Variants in CYB5R3 observed in about 807,000 individuals in gnomAD.
The protein encoded by CYB5R3 is cytochrome b5 reductase 3, also known as NADH-cytochrome b5 reductase 3.
A neutral mutation model predicts 36.5 loss-of-function variants in CYB5R3; 28 were observed. The ratio of observed to expected loss-of-function variants is 0.77; its 90% CI spans 0.57 to 1.05. CYB5R3 has a LOEUF of 1.05. CYB5R3 is among the 50% of genes least tolerant of loss of function. The pLI, the probability that CYB5R3 is intolerant of heterozygous loss-of-function variation, is 0.00. For synonymous variants in CYB5R3, 181 were observed against 159.8 expected (o/e 1.13, Z -1.00); for missense variants, 474 against 408.9 (o/e 1.16, Z -1.37).
chr22:42,624,336 G>A (rs535736263), intron 7 of CYB5R3, among the ~76,000 whole-genome samples: 77 of 152,256 alleles, frequency 5.1e-4, no homozygotes, highest in African/African-American at 1.8e-3. Flanking sequence ...TCAGCCCTCC[G>A]GCAAGTCTTT....
At chr22:42,647,022 C>A in intron 1 of CYB5R3, 1 of 975,640 alleles carries the variant, frequency 1.0e-6, no homozygotes, top group Non-Finnish European at 1.2e-6. Context: ...TGGCCTGGAT[C>A]CCACAAAGTG....
chr22:42,636,606 A>G (rs1928904456), intron 2 of CYB5R3, 109 bp downstream of exon 2: 2 of 1,513,006 alleles, frequency 1.3e-6, no homozygotes, highest in African/African-American at 1.4e-5. Flanking sequence ...CATCTGTAAA[A>G]TGGGTGGACA....
intron 2 of CYB5R3, among the ~76,000 whole-genome samples, chr22:42,633,963 TA>T (rs1308923497): frequency 1.3e-5 from 2 of 151,874 alleles, no homozygotes; most frequent in Non-Finnish European, 2.9e-5. Flanking sequence ...CCAATAACAA[TA>T]ACAAGGGAAA....
intron 1 of CYB5R3, among the ~76,000 whole-genome samples, chr22:42,641,410 G>A (rs138693733): frequency 3.6e-4 from 54 of 150,772 alleles, no homozygotes; most frequent in African/African-American, 1.2e-3. Context: ...GGGCTCCAGC[G>A]ATTCTCCTGC....
intron 1 of CYB5R3, among the ~76,000 whole-genome samples, chr22:42,648,415 C>A (rs1944317467): frequency 6.6e-6 from 1 of 152,214 alleles, no homozygotes. Flanking sequence ...ACTCAAGCCT[C>A]CAGCCTCACC....
At position 42,636,862 on chromosome 22, in the gene CYB5R3, C is replaced by T; in HGVS notation, c.22-16G>A. 1.2e-6 allele frequency: 2 copies of T among 1,612,400 alleles called. No homozygotes were observed. Among genetic ancestry groups the T allele is most frequent in the Middle Eastern group, 1.7e-4 (1 of 6,058 alleles). ...TATGGCCCAACTGAAACGACAGGAC[C>T]CGCGGGGTCAGTGCAGGAGCCTGCC... On this transcript the variant is annotated splice_polypyrimidine_tract_variant and intron_variant, in intron 1 of 8. Coordinates refer to ENST00000352397, the MANE Select transcript of CYB5R3 (RefSeq NM_000398.7).
At chr22:42,648,386 C>G (rs1929623669) in intron 1 of CYB5R3, among the ~76,000 whole-genome samples, 1 of 152,240 alleles carries the variant, frequency 6.6e-6, no homozygotes, top group Non-Finnish European at 1.5e-5. Context: ...GCAGCCGCAG[C>G]CTCCACATGT....
chr22:42,639,616 C>G (rs979039519), intron 1 of CYB5R3, among the ~76,000 whole-genome samples: 1 of 139,682 alleles, frequency 7.2e-6, no homozygotes, highest in Admixed American at 7.4e-5. Flanking sequence ...TGACAAGAGC[C>G]AAGACTCCAT....
chr22:42,627,180 C>A, intron 7 of CYB5R3, 124 bp downstream of exon 7: 2 of 845,264 alleles, frequency 2.4e-6, no homozygotes, highest in Admixed American at 4.0e-5. Flanking sequence ...ATTCAGGGCC[C>A]CCCATCCCGG....
At position 42,623,814 on chromosome 22, in the gene CYB5R3, C is replaced by G; in HGVS notation, c.708G>C (p.Trp236Cys). 1 of 1,614,116 alleles carries G rather than the reference C, an allele frequency of 6.2e-7. No individual in the cohort carries two copies. The highest frequency in any genetic ancestry group is 8.5e-7 in the Non-Finnish European group (1 of 1,179,954). The stretch of plus-strand genomic sequence containing the variant: ...CTTCAGGGGCTCTGTCCAGCGTGTA[C>G]CAGAGCTTGAAGCGTGCAGAATGTT... ...RNKHSARFKLWYTLDRAPEAW... is the reference protein window; with the variant it reads ...RNKHSARFKLCYTLDRAPEAW... The change falls in exon 8 of 9, where the codon TGG becomes TGC. Residue 236 changes from tryptophan (W) to cysteine (C), a missense_variant. Trp to Cys is a radical substitution (Grantham distance 215). Transcript: ENST00000352397.
chr22:42,644,264 T>G (rs1477661634), intron 1 of CYB5R3: 2 of 639,656 alleles, frequency 3.1e-6, no homozygotes, highest in Non-Finnish European at 5.7e-6. Flanking sequence ...CAGTGAGGCC[T>G]GAGCACCTGC....
intron 2 of CYB5R3, among the ~76,000 whole-genome samples, chr22:42,634,498 G>A (rs1349592653): frequency 6.6e-6 from 1 of 151,862 alleles, no homozygotes; most frequent in East Asian, 1.9e-4. Context: ...CCAGGCTGGA[G>A]TGCAATGGTG....
In CYB5R3 at chr22:42,627,576, C is replaced by T. The variant is rs371435141; in HGVS notation, c.547+29G>A. 5.8e-4 allele frequency: 927 copies of T among 1,599,304 alleles called. 2 individuals are homozygous for T. Among genetic ancestry groups the T allele is most frequent in the African/African-American group, 2.6e-3 (195 of 74,700 alleles). Reference sequence around the variant, plus strand: ...CAACCCCACCCTTAACATGAGCCGCCGGACGCCTCAGTGGGGGGTTCCGTG... The same window carrying T: ...CAACCCCACCCTTAACATGAGCCGCTGGACGCCTCAGTGGGGGGTTCCGTG... On this transcript the variant is annotated intron_variant, in intron 6 of 8. Coordinates refer to ENST00000352397, the MANE Select transcript of CYB5R3 (RefSeq NM_000398.7).
Position 42,649,170 on chromosome 22 carries a change from C to T in CYB5R3, c.21+125G>A, listed in dbSNP as rs979467258. 20 of 303,492 alleles carry T rather than the reference C, an allele frequency of 6.6e-5. 2 individuals carry two copies. Among genetic ancestry groups the T allele is most frequent in the Admixed American group, 4.4e-4 (7 of 16,038 alleles). The allele number at this position is 303,492 out of a possible 1,614,324, so 18.8% of individuals were successfully genotyped here. A position where few individuals can be genotyped will look rare whatever the true frequency, so the allele number is the denominator to read the frequency against. ...GGTGGGGCGCGGCGGGCTGGGCGGGCGAAGTGGGTGCGGCCGGGTGCGGCC... is the reference window on the plus strand; with the variant it reads ...GGTGGGGCGCGGCGGGCTGGGCGGGTGAAGTGGGTGCGGCCGGGTGCGGCC... On this transcript the variant is annotated intron_variant, in intron 1 of 8. Transcript: ENST00000352397.
In CYB5R3 at chr22:42,627,308, T is replaced by C. The variant is rs912056247; in HGVS notation, c.629A>G (p.Asn210Ser). 7 of 1,613,870 alleles carry C rather than the reference T, an allele frequency of 4.3e-6. No homozygotes were observed. In the East Asian group the frequency reaches 8.9e-5, roughly 21 times the overall value. The change falls in exon 7 of 9, where the codon AAC (asparagine) becomes AGC (serine). Residue 210 changes from asparagine (N) to serine (S), a missense_variant. Asn to Ser is a conservative substitution (Grantham distance 46). Transcript: ENST00000352397. ...ATCATGGGGATGCCCACTGACCTGG[T>C]TGGCAAAGAGCAGGTGGCACACAGT... ...DHTVCHLLFA[N>S]QTEKDILLRP... is the part of the protein sequence containing the mutation.
Position 42,619,485 on chromosome 22 carries a change from G to GT in CYB5R3, c.*287_*288insA. ...CAGCCCTCAGCCTTATAGTGTGTGT[G>GT]GGGGGTGGACGAGGGGTCATGAGGA... On this transcript the variant is annotated 3_prime_UTR_variant, in exon 9 of 9. Coordinates refer to ENST00000352397, the MANE Select transcript of CYB5R3 (RefSeq NM_000398.7). 4.3e-6 allele frequency: 2 copies of GT among 467,912 alleles called. No individual in the cohort carries two copies. The highest frequency in any genetic ancestry group is 7.8e-6 in the Non-Finnish European group (2 of 257,532). The allele number at this position is 467,912 out of a possible 1,614,324, so 29.0% of individuals were successfully genotyped here.
chr22:42,628,724 C>T (rs1456083796), intron 4 of CYB5R3, among the ~76,000 whole-genome samples: 2 of 152,210 alleles, frequency 1.3e-5, no homozygotes, highest in Non-Finnish European at 2.9e-5. Context: ...CTTGGGACTA[C>T]TTCCTGCCCT....
chr22:42,634,073 C>G (rs552878966), intron 2 of CYB5R3, among the ~76,000 whole-genome samples: 2 of 152,082 alleles, frequency 1.3e-5, no homozygotes, highest in African/African-American at 4.8e-5. Flanking sequence ...ATCACAGGGC[C>G]AGGCACGGTG....
chr22:42,621,970 C>A (rs1927996941), intron 8 of CYB5R3, among the ~76,000 whole-genome samples: 1 of 152,282 alleles, frequency 6.6e-6, no homozygotes, highest in South Asian at 2.1e-4. Flanking sequence ...TATCGCCAGG[C>A]TGGAGTGCAG....
Sources: allele counts gnomAD v4.1 joint callset (sites outside exome capture counted in the v4.1 genomes callset), GRCh38; gene constraint gnomAD v4.1.1; transcripts MANE v1.5; gene names NCBI Gene and HGNC (gene_info 2026-07-23, HGNC 2026-07-21).